Variants in SV2B observed in about 807,000 individuals in gnomAD.
SV2B encodes the protein synaptic vesicle glycoprotein 2B.
SV2B carries 41 observed loss-of-function variants against 73.9 expected under a neutral mutation model. The observed-to-expected ratio is 0.56, with a 90% CI of 0.43 to 0.72. The LOEUF is 0.72. Ranked by LOEUF, SV2B falls within the 30% of genes least tolerant of loss-of-function variation. The probability of loss-of-function intolerance (pLI) is 0.00; values close to 1 mark genes in which losing one functional copy is unlikely to be tolerated. For missense variants in SV2B, 764 were observed against 857.8 expected, an observed-to-expected ratio of 0.89 and a Z score of 1.37; for synonymous variants, 314 against 314.2, an observed-to-expected ratio of 1.00 and a Z score of 0.01.
intron 1 of SV2B, among the ~76,000 whole-genome samples, chr15:91,212,571 G>A (rs1283663467): frequency 6.6e-6 from 1 of 152,154 alleles, no homozygotes; most frequent in Admixed American, 6.5e-5. Flanking sequence ...ACAGGGATAT[G>A]TTCAGTTGTT....
At position 91,252,233 on chromosome 15, in the gene SV2B, C is replaced by T. The variant is rs1362906439; in HGVS notation, c.633-136C>T. On this transcript the variant is annotated intron_variant, in intron 3 of 12. Transcript: ENST00000394232. This position sits in a 1 kb window ranked among gnomAD's most constrained non-coding sequence, Gnocchi z 4.6. Reference sequence around the variant, plus strand: ...ACTGCTTCCCACATGTAGAGAGGAACTAACTGGCCGGTCTCTCAAATTCAC... The same window carrying T: ...ACTGCTTCCCACATGTAGAGAGGAATTAACTGGCCGGTCTCTCAAATTCAC... The T allele has an allele frequency of 2.4e-6, 3 of 1,268,648 alleles. No individual in the cohort carries two copies. Among genetic ancestry groups the T allele is most frequent in the East Asian group, 2.3e-5 (1 of 42,610 alleles). 78.6% of individuals were successfully genotyped at this position (1,268,648 alleles called of 1,614,324 possible).
intron 1 of SV2B, among the ~76,000 whole-genome samples, chr15:91,176,192 A>T (rs981335856): frequency 6.6e-6 from 1 of 152,144 alleles, no homozygotes; most frequent in Admixed American, 6.5e-5. Flanking sequence ...TTCTGATTTC[A>T]TCCATGTCCC....
intron 1 of SV2B, among the ~76,000 whole-genome samples, chr15:91,208,328 T>TA (rs139124152): frequency 0.034 from 5,231 of 152,296 alleles, 243 homozygotes; most frequent in East Asian, 0.12. Flanking sequence ...CTTATATCTC[T>TA]CGGGGAATCA....
rs2047199571 is a variant in SV2B at position 91,245,826 on chromosome 15, A to G, written c.452-5993A>G. Among the ~76,000 whole-genome samples the G allele has an allele frequency of 6.6e-6, 1 of 152,176 alleles. No homozygotes were observed. Among genetic ancestry groups the G allele is most frequent in the Non-Finnish European group, 1.5e-5 (1 of 68,034 alleles). On this transcript the variant is annotated intron_variant, in intron 2 of 12. Transcript: ENST00000394232. This position sits in a 1 kb window ranked among gnomAD's most constrained non-coding sequence, Gnocchi z 4.2. ...TGAAATTTGGAACAGGAACCAACAA[A>G]CTGTGGTCTACAAACCTATGACCAA...
At chr15:91,158,693 TCTCTTCTCTCCTCTC>T (rs2043589430) in intron 1 of SV2B, among the ~76,000 whole-genome samples, 1 of 38,436 alleles carries the variant, frequency 2.6e-5, no homozygotes, top group Admixed American at 2.7e-4. Context: ...TCTCTTCTCT[TCTCTTCTCTCCTCTC>T]CTCTCCTCTC....
rs1173496703 is a variant in SV2B, at chr15:91,214,551, C to T, written c.-391-11322C>T. ...GAAACTGAAGCTTAAGGTTCAGAAA[C>T]CTGCTCTGATTCACAGAACTTGCGA... On this transcript the variant is annotated intron_variant, in intron 1 of 12. Coordinates refer to ENST00000394232, the MANE Select transcript of SV2B (RefSeq NM_001323032.3). The surrounding 1 kb of genome is among the most constrained non-coding windows in gnomAD (Gnocchi z 4.7). Among the ~76,000 whole-genome samples the T allele has an allele frequency of 6.6e-6, 1 of 152,204 alleles. No homozygotes were observed. The highest frequency in any genetic ancestry group is 1.5e-5 in the Non-Finnish European group (1 of 68,026).
At position 91,118,986 on chromosome 15, in the gene SV2B, G is replaced by A. The variant is rs1375832417; in HGVS notation, c.-392+18623G>A. Among the ~76,000 whole-genome samples, 1 of 152,094 alleles carries A rather than the reference G, an allele frequency of 6.6e-6. No homozygotes were observed. The highest frequency in any genetic ancestry group is 2.4e-5 in the African/African-American group (1 of 41,406). On this transcript the variant is annotated intron_variant, in intron 1 of 12. Transcript: ENST00000394232. The surrounding 1 kb of genome is among the most constrained non-coding windows in gnomAD (Gnocchi z 4.7). ...TGGGGGTGGGCGTGCTGGCTGATCC[G>A]CTTGGGGCTCCCGGCTTTTACTCCT...
In SV2B at chr15:91,284,327, A is replaced by G. The variant is rs548113941; in HGVS notation, c.1708+106A>G. On this transcript the variant is annotated intron_variant, in intron 11 of 12. Coordinates refer to ENST00000394232, the MANE Select transcript of SV2B (RefSeq NM_001323032.3). The surrounding 1 kb of genome is among the most constrained non-coding windows in gnomAD (Gnocchi z 4.5). The stretch of plus-strand genomic sequence containing the variant: ...CCTTTTATTAAATAATTCTTGCACA[A>G]CAAACCCAACAAGTAAGATTGCACC... The G allele has an allele frequency of 4.7e-5, 58 of 1,244,178 alleles. 2 individuals carry two copies. In the Admixed American group the frequency reaches 1.2e-3, roughly 26 times the overall value. 77.1% of individuals were successfully genotyped at this position (1,244,178 alleles called of 1,614,324 possible).
rs2042867904 is a variant in SV2B, at chr15:91,137,552, A to G, written c.-392+37189A>G. On this transcript the variant is annotated intron_variant, in intron 1 of 12. Transcript: ENST00000394232. This position sits in a 1 kb window ranked among gnomAD's most constrained non-coding sequence, Gnocchi z 4.9. ...GATTTTATTCCAAAACTACAGGACA[A>G]AACTAGGAAAATGTGAAATATATAT... is the stretch of plus-strand genomic sequence containing the variant. Among the ~76,000 whole-genome samples the G allele has an allele frequency of 6.8e-6, 1 of 147,812 alleles. No homozygotes were observed.
At position 91,241,266 on chromosome 15, in the gene SV2B, G is replaced by A. The variant is rs1023979918; in HGVS notation, c.452-10553G>A. Among the ~76,000 whole-genome samples the A allele has an allele frequency of 3.3e-5, 5 of 152,212 alleles. No homozygotes were observed. The highest frequency in any genetic ancestry group is 9.6e-5 in the African/African-American group (4 of 41,522). On this transcript the variant is annotated intron_variant, in intron 2 of 12. Coordinates refer to ENST00000394232, the MANE Select transcript of SV2B (RefSeq NM_001323032.3). The surrounding 1 kb of genome is among the most constrained non-coding windows in gnomAD (Gnocchi z 4.8). ...CCATAATCACAGTCACTTTCTGTGC[G>A]CATCACCAGCTTCCTTGCACCTCTC...
rs1022632158 is a variant in SV2B at position 91,197,369 on chromosome 15, C to A, written c.-391-28504C>A. On this transcript the variant is annotated intron_variant, in intron 1 of 12. Coordinates refer to ENST00000394232, the MANE Select transcript of SV2B (RefSeq NM_001323032.3). The surrounding 1 kb of genome is among the most constrained non-coding windows in gnomAD (Gnocchi z 4.9). ...TCAGCCTCCCGAGTAGCTGGGATTA[C>A]AGGGGTCCGCCACCACACCTGTTTT... Among the ~76,000 whole-genome samples, 3 of 151,960 alleles carry A rather than the reference C, an allele frequency of 2.0e-5. No homozygotes were observed. The East Asian group carries it at 5.8e-4, about 30-fold the overall frequency.
In SV2B at chr15:91,124,374, C is replaced by T. The variant is rs987733939; in HGVS notation, c.-392+24011C>T. Among the ~76,000 whole-genome samples the T allele has an allele frequency of 1.3e-5, 2 of 152,174 alleles. No homozygotes were observed. Among genetic ancestry groups the T allele is most frequent in the Non-Finnish European group, 2.9e-5 (2 of 68,032 alleles). ...ATTGTGAAGCTAATGGCACCTCCTT[C>T]CTCAGGAAGTGAGACACCTGCAACC... On this transcript the variant is annotated intron_variant, in intron 1 of 12. Coordinates refer to ENST00000394232, the MANE Select transcript of SV2B (RefSeq NM_001323032.3). This position sits in a 1 kb window ranked among gnomAD's most constrained non-coding sequence, Gnocchi z 4.6.
intron 5 of SV2B, among the ~76,000 whole-genome samples, chr15:91,259,281 C>T (rs2047819889): frequency 6.6e-6 from 1 of 152,024 alleles, no homozygotes; most frequent in South Asian, 2.1e-4. Flanking sequence ...GAAATGAGTC[C>T]CATGAGCCTT....
At chr15:91,200,995 A>G (rs144909355) in intron 1 of SV2B, among the ~76,000 whole-genome samples, 87 of 152,366 alleles carry the variant, frequency 5.7e-4, no homozygotes, top group African/African-American at 1.9e-3. Context: ...AGTATCTGAA[A>G]GGATTAATAC....
At position 91,123,543 on chromosome 15, in the gene SV2B, G is replaced by A. The variant is rs1162208211; in HGVS notation, c.-392+23180G>A. Among the ~76,000 whole-genome samples the A allele has an allele frequency of 1.3e-5, 2 of 152,138 alleles. No individual in the cohort carries two copies. The highest frequency in any genetic ancestry group is 2.9e-5 in the Non-Finnish European group (2 of 68,026). ...GTACCCCGGGAGAACTTAGGGAGACGGGATCTGGTTCCATTCATGCAGTAA... is the reference window on the plus strand; with the variant it reads ...GTACCCCGGGAGAACTTAGGGAGACAGGATCTGGTTCCATTCATGCAGTAA... On this transcript the variant is annotated intron_variant, in intron 1 of 12. Transcript: ENST00000394232. The surrounding 1 kb of genome is among the most constrained non-coding windows in gnomAD (Gnocchi z 4.7).
In SV2B at chr15:91,136,930, G is replaced by A. The variant is rs372417849; in HGVS notation, c.-392+36567G>A. Among the ~76,000 whole-genome samples the A allele has an allele frequency of 6.6e-5, 10 of 152,266 alleles. No individual in the cohort carries two copies. Among genetic ancestry groups the A allele is most frequent in the African/African-American group, 2.4e-4 (10 of 41,556 alleles). On this transcript the variant is annotated intron_variant, in intron 1 of 12. Transcript: ENST00000394232. This position sits in a 1 kb window ranked among gnomAD's most constrained non-coding sequence, Gnocchi z 5.6. Reference sequence around the variant, plus strand: ...GGTCAATGGCAACTTACCTTGACCGGGATTTTGGCAGATGAAGGAAAAACT... The same window carrying A: ...GGTCAATGGCAACTTACCTTGACCGAGATTTTGGCAGATGAAGGAAAAACT...
chr15:91,289,528 C>T lies in SV2B; in HGVS notation c.1716C>T (p.Ser572=). The T allele has an allele frequency of 3.1e-6, 5 of 1,614,232 alleles. No individual in the cohort carries two copies. The highest frequency in any genetic ancestry group is 4.2e-6 in the Non-Finnish European group (5 of 1,180,040). The change falls in exon 12 of 13, where the codon TCC becomes TCT. Residue 572 remains serine, a synonymous_variant. Transcript: ENST00000394232. The surrounding 1 kb of genome is among the most constrained non-coding windows in gnomAD (Gnocchi z 4.9). ...RIGRLKMIGG[S]MLISAVCCFF... is the part of the protein sequence containing the mutation. Reference sequence around the variant, plus strand: ...CTTGAACTCCCTCTGCAGGTGGCTCCATGCTAATCTCTGCAGTCTGCTGCT... The same window carrying T: ...CTTGAACTCCCTCTGCAGGTGGCTCTATGCTAATCTCTGCAGTCTGCTGCT...
At chr15:91,182,551 G>C (rs142226517) in intron 1 of SV2B, among the ~76,000 whole-genome samples, 1 of 152,144 alleles carries the variant, frequency 6.6e-6, no homozygotes, top group South Asian at 2.1e-4. Context: ...TTCTCTTGAA[G>C]GCCAGTCAGC....
At chr15:91,274,793 A>G (rs537072341) in intron 9 of SV2B, among the ~76,000 whole-genome samples, 53 of 152,286 alleles carry the variant, frequency 3.5e-4, no homozygotes, top group African/African-American at 1.2e-3. Flanking sequence ...TAGAAATAAA[A>G]ATGTGTTAGG....
Sources: gnomAD v4.1 joint callset for allele counts (sites outside exome capture counted in the v4.1 genomes callset) on GRCh38, gnomAD v4.1.1 for gene constraint, Gnocchi (gnomAD v3.1) non-coding constraint, MANE v1.5 for transcripts, NCBI Gene and HGNC (gene_info 2026-07-23, HGNC 2026-07-21) for gene names.